ADCY9: variants seen among roughly 807,000 people sequenced by gnomAD.
ADCY9 encodes the protein adenylate cyclase 9.
Under a neutral mutation model 101.5 loss-of-function variants are expected in ADCY9, and 50 were observed. The observed-to-expected ratio is 0.49, with a 90% CI of 0.39 to 0.62. The LOEUF (loss-of-function observed/expected upper bound fraction) is 0.62, where lower values mean the gene tolerates loss of function less well. Among genes scored for constraint, ADCY9 ranks in the 20% least tolerant of loss-of-function variants. The pLI, the probability that ADCY9 is intolerant of heterozygous loss-of-function variation, is 0.00. For synonymous variants in ADCY9, 905 were observed against 769.3 expected (o/e 1.18, Z -2.92); for missense variants, 1,662 against 1,800.4 (o/e 0.92, Z 1.39).
chr16:4,063,340 G>A lies in ADCY9; in HGVS notation c.1693+50410C>T, dbSNP rs182474257. On this transcript the variant is annotated intron_variant, in intron 2 of 10. Coordinates refer to ENST00000294016, the MANE Select transcript of ADCY9 (RefSeq NM_001116.4). ...AGATCAAAATTTAGGATGCAGCTAT[G>A]AGAAGTACTTAGGGAGAAATTTATA... is the stretch of plus-strand genomic sequence containing the variant. Among the ~76,000 whole-genome samples the A allele has an allele frequency of 1.5e-3, 232 of 152,152 alleles. 1 individual carries two copies. Among genetic ancestry groups the A allele is most frequent in the African/African-American group, 5.3e-3 (220 of 41,532 alleles).
chr16:4,052,985 C>T (rs999313452), intron 2 of ADCY9, among the ~76,000 whole-genome samples: 10 of 152,204 alleles, frequency 6.6e-5, no homozygotes, highest in African/African-American at 2.4e-4. Flanking sequence ...GAGTCACATG[C>T]TGTTATTCTT....
intron 2 of ADCY9, among the ~76,000 whole-genome samples, chr16:4,052,946 A>G (rs572430520): frequency 6.6e-5 from 10 of 152,234 alleles, no homozygotes; most frequent in Non-Finnish European, 1.5e-4. Context: ...TGCACGGGGA[A>G]CAACAGATTC....
At chr16:4,065,584 T>C (rs2056796296) in intron 2 of ADCY9, among the ~76,000 whole-genome samples, 1 of 152,194 alleles carries the variant, frequency 6.6e-6, no homozygotes, top group Non-Finnish European at 1.5e-5. Context: ...TATTTATTTA[T>C]TTATTGAGAC....
downstream of ADCY9, among the ~76,000 whole-genome samples, chr16:3,961,173 C>T (rs150567543): frequency 5.4e-3 from 819 of 152,262 alleles, 5 homozygotes; most frequent in Non-Finnish European, 9.0e-3. Context: ...TCTGGCTGGG[C>T]GCGGTGGCTC....
At chr16:4,023,544 C>T (rs138600737) in intron 2 of ADCY9, among the ~76,000 whole-genome samples, 24 of 152,166 alleles carry the variant, frequency 1.6e-4, no homozygotes, top group South Asian at 2.1e-4. Context: ...CAACTGTTCC[C>T]GATGCAGACT....
At chr16:4,098,835 G>A (rs902875321) in intron 2 of ADCY9, among the ~76,000 whole-genome samples, 2 of 152,148 alleles carry the variant, frequency 1.3e-5, no homozygotes, top group African/African-American at 4.8e-5. Flanking sequence ...CAGCTGTCCT[G>A]GGGGATGGAG....
intron 2 of ADCY9, among the ~76,000 whole-genome samples, chr16:4,087,230 TCTC>T (rs1224307655): frequency 6.6e-6 from 1 of 151,880 alleles, no homozygotes; most frequent in Non-Finnish European, 1.5e-5. Flanking sequence ...TTCTGTAACA[TCTC>T]CTTCTTTAAG....
chr16:4,005,909 G>A (rs941699247), intron 3 of ADCY9, among the ~76,000 whole-genome samples: 3 of 151,992 alleles, frequency 2.0e-5, no homozygotes, highest in Admixed American at 2.0e-4. Context: ...TCCACCCCAC[G>A]CCAGCCCCTC....
chr16:4,017,758 G>T (rs974669728), intron 2 of ADCY9, among the ~76,000 whole-genome samples: 3 of 151,862 alleles, frequency 2.0e-5, no homozygotes, highest in Non-Finnish European at 4.4e-5. Flanking sequence ...AAGTTCAGAA[G>T]TCTGGGAGAG....
At chr16:4,040,766 G>T (rs2056621394) in intron 2 of ADCY9, among the ~76,000 whole-genome samples, 1 of 152,160 alleles carries the variant, frequency 6.6e-6, no homozygotes, top group South Asian at 2.1e-4. Context: ...CACATCTAAG[G>T]AGTGTCTACT....
In ADCY9 at chr16:4,074,551, T is replaced by G. The variant is rs561450319; in HGVS notation, c.1693+39199A>C. On this transcript the variant is annotated intron_variant, in intron 2 of 10. Coordinates refer to ENST00000294016, the MANE Select transcript of ADCY9 (RefSeq NM_001116.4). ...CTCCGCAAAAAAAAAAAAACAAAATTTAAATTAAAAAAACAATTAGCCGGG... is the reference window on the plus strand; with the variant it reads ...CTCCGCAAAAAAAAAAAAACAAAATGTAAATTAAAAAAACAATTAGCCGGG... Among the ~76,000 whole-genome samples, 14 of 150,018 alleles carry G rather than the reference T, an allele frequency of 9.3e-5. 1 individual carries two copies. The highest frequency in any genetic ancestry group is 3.4e-4 in the African/African-American group (14 of 40,892).
At chr16:3,958,110 A>G (rs2055917512), downstream of ADCY9, among the ~76,000 whole-genome samples, 1 of 152,138 alleles carries the variant, frequency 6.6e-6, no homozygotes, top group African/African-American at 2.4e-5. Flanking sequence ...TCTTCCCTCA[A>G]AGAGCAGCGG....
At chr16:4,013,205 G>A (rs1166130622) in intron 2 of ADCY9, among the ~76,000 whole-genome samples, 2 of 151,562 alleles carry the variant, frequency 1.3e-5, no homozygotes, top group African/African-American at 2.4e-5. Context: ...CTGTGAGTGC[G>A]CCGTTGCACT....
At chr16:3,959,458 G>A (rs74003474), downstream of ADCY9, among the ~76,000 whole-genome samples, 2,467 of 152,150 alleles carry the variant, frequency 0.016, 52 homozygotes, top group African/African-American at 0.055. Context: ...AAGCCACTGG[G>A]ACAAGCACAG....
At chr16:3,973,598 A>G (rs2056070317) in intron 10 of ADCY9, among the ~76,000 whole-genome samples, 1 of 152,036 alleles carries the variant, frequency 6.6e-6, no homozygotes, top group African/African-American at 2.4e-5. Flanking sequence ...TCCCGGCCTC[A>G]AGCCCACCTT....
chr16:4,105,041 T>C (rs2057067276), intron 2 of ADCY9, among the ~76,000 whole-genome samples: 1 of 134,800 alleles, frequency 7.4e-6, no homozygotes, highest in South Asian at 2.6e-4. Context: ...TGCACTCCAA[T>C]GTGGGCAACA....
rs148950640 is a variant in ADCY9, at chr16:4,015,945, G to A, written c.1694-8387C>T. Among the ~76,000 whole-genome samples the A allele has an allele frequency of 6.2e-3, 933 of 150,876 alleles. 8 individuals are homozygous for A. The highest frequency in any genetic ancestry group is 0.021 in the African/African-American group (878 of 41,254). ...ATCACGCCACTGCACTCTAGCCTGG[G>A]TGACAGAATGAGACCCTGTCTCAAA... On this transcript the variant is annotated intron_variant, in intron 2 of 10. Coordinates refer to ENST00000294016, the MANE Select transcript of ADCY9 (RefSeq NM_001116.4).
intron 2 of ADCY9, among the ~76,000 whole-genome samples, chr16:4,107,550 CAA>C (rs61565312): frequency 2.1e-4 from 15 of 72,842 alleles, no homozygotes; most frequent in Admixed American, 1.2e-3. Flanking sequence ...GACTCTGTCT[CAA>C]AAAAAAAAAA....
Position 4,114,256 on chromosome 16 carries a change from A to G in ADCY9, c.1187T>C (p.Leu396Ser). Residue 396 changes from leucine to serine, a missense_variant, in exon 2 of 11, where the codon TTA becomes TCA. By Grantham distance (145) the Leu-to-Ser change is moderately radical. This residue lies in a region of ADCY9 where 228 missense variants were observed against 301.1 expected (regional missense o/e 0.76). Coordinates refer to ENST00000294016, the MANE Select transcript of ADCY9 (RefSeq NM_001116.4). The surrounding 1 kb of genome is among the most constrained non-coding windows in gnomAD (Gnocchi z 4.3). Reference protein sequence around the residue: ...KMQQIEEVSILFADIVGFTKM... With the variant: ...KMQQIEEVSISFADIVGFTKM... ...GGTGAAGCCCACGATATCTGCAAAT[A>G]AAATACTGACTTCTTCGATCTGCTG... The G allele has an allele frequency of 6.2e-7, 1 of 1,613,972 alleles. No individual in the cohort carries two copies. The highest frequency in any genetic ancestry group is 1.1e-5 in the South Asian group (1 of 91,086).
Sources: gnomAD v4.1 joint callset for allele counts (sites outside exome capture counted in the v4.1 genomes callset) on GRCh38, gnomAD v4.1.1 for gene constraint, gnomAD v4.1.1 regional missense constraint, Gnocchi (gnomAD v3.1) non-coding constraint, MANE v1.5 for transcripts, NCBI Gene and HGNC (gene_info 2026-07-23, HGNC 2026-07-21) for gene names.